MROH1: variants seen among roughly 807,000 people sequenced by gnomAD.
MROH1 encodes maestro heat-like repeat-containing protein family member 1.
Under a neutral mutation model 116.5 loss-of-function variants are expected in MROH1, and 117 were observed. The ratio of observed to expected loss-of-function variants is 1.00; its 90% confidence interval spans 0.86 to 1.17. The LOEUF (loss-of-function observed/expected upper bound fraction) is 1.17. Among genes scored for constraint, MROH1 ranks in the 50% most tolerant of loss-of-function variants. The pLI is 0.00. For synonymous variants in MROH1, 921 were observed against 583.9 expected (o/e 1.58, Z -8.32); for missense variants, 1,873 against 1,338.5 (o/e 1.40, Z -6.23).
intron 4 of MROH1, among the ~76,000 whole-genome samples, chr8:144,177,391 G>C (rs571299336): frequency 6.6e-6 from 1 of 152,340 alleles, no homozygotes; most frequent in Admixed American, 6.5e-5. Flanking sequence ...ACTTCAAATA[G>C]TTTCTGAACA....
At chr8:144,175,566 T>TG in intron 4 of MROH1, 1 of 985,192 alleles carries the variant, frequency 1.0e-6, no homozygotes. Context: ...ACGTCCCAGG[T>TG]GGGGATGGGC....
intron 12 of MROH1, among the ~76,000 whole-genome samples, chr8:144,207,268 A>G (rs1401573013): frequency 6.7e-6 from 1 of 149,456 alleles, no homozygotes; most frequent in Non-Finnish European, 1.5e-5. Context: ...GCTCACTGCA[A>G]CCTCCGCCTC....
intron 3 of MROH1, among the ~76,000 whole-genome samples, chr8:144,164,094 T>C (rs1423245817): frequency 1.5e-5 from 2 of 129,838 alleles, no homozygotes; most frequent in South Asian, 4.6e-4. Context: ...TTTGTTTTAC[T>C]TTTTTTTTTT....
intron 7 of MROH1, among the ~76,000 whole-genome samples, chr8:144,189,615 C>T (rs549803727): frequency 2.7e-4 from 41 of 152,320 alleles, no homozygotes; most frequent in African/African-American, 6.7e-4. Context: ...CCAAGGCCAC[C>T]GCTGAGTCAC....
At chr8:144,185,122 G>C (rs1472850546) in intron 7 of MROH1, among the ~76,000 whole-genome samples, 1 of 152,194 alleles carries the variant, frequency 6.6e-6, no homozygotes, top group Non-Finnish European at 1.5e-5. Context: ...CTGCAGTGTT[G>C]CAGTCCCAGG....
At chr8:144,181,791 C>T (rs539338165) in intron 7 of MROH1, among the ~76,000 whole-genome samples, 153 of 152,190 alleles carry the variant, frequency 1.0e-3, no homozygotes, top group Middle Eastern at 6.8e-3. Context: ...GGAGACAGAA[C>T]GGGGCCGCTG....
At chr8:144,243,427 G>C (rs1451752972) in intron 24 of MROH1, 67 bp from the exon 25 acceptor site, 40 of 768,018 alleles carry the variant, frequency 5.2e-5, no homozygotes, top group Admixed American at 2.1e-4. Flanking sequence ...GAAAGAAAAG[G>C]GGGTATGCGC....
chr8:144,259,964 G>C lies in MROH1; in HGVS notation c.4098G>C (p.Glu1366Asp), dbSNP rs1844688843. 1 of 741,850 alleles carries C rather than the reference G, an allele frequency of 1.3e-6. No individual in the cohort carries two copies. Among genetic ancestry groups the C allele is most frequent in the Non-Finnish European group, 2.5e-6 (1 of 399,868 alleles). 46.0% of individuals were successfully genotyped at this position (741,850 alleles called of 1,614,324 possible). The change falls in exon 38 of 44, where the codon GAG becomes GAC. Residue 1366 changes from glutamate (E) to aspartate (D), a missense_variant. Transcript: ENST00000326134. ...TCATGCTCTTGGACTCGCTGCTGGA[G>C]AGCCTGGCGGCTCGCCAGAAGGACA... is the stretch of plus-strand genomic sequence containing the variant. ...NDLMLLDSLL[E>D]SLAARQKDTC...
In MROH1 at chr8:144,243,882, C is replaced by A. The variant is rs1841424567; in HGVS notation, c.2495C>A (p.Pro832His). 2 of 780,136 alleles carry A rather than the reference C, an allele frequency of 2.6e-6. No homozygotes were observed. The highest frequency in any genetic ancestry group is 1.7e-5 in the African/African-American group (1 of 59,140). 48.3% of individuals were successfully genotyped at this position (780,136 alleles called of 1,614,324 possible). A position where few individuals can be genotyped will look rare whatever the true frequency, so the allele number is the denominator to read the frequency against. ...ACCCAGGAGTTCATCAGGGCAGAGC[C>A]CCCGGACTCCTTGAGGACACCTATT... is the stretch of plus-strand genomic sequence containing the variant. ...AQMMEFIRAE[P>H]PDSLRTPIRK... Residue 832 changes from proline (P) to histidine (H), a missense_variant, in exon 26 of 44, where the codon CCC (proline) becomes CAC (histidine). Coordinates refer to ENST00000326134, the MANE Select transcript of MROH1 (RefSeq NM_032450.3).
Position 144,248,992 on chromosome 8 carries a change from G to A in MROH1, c.3236G>A (p.Cys1079Tyr). Residue 1079 changes from cysteine to tyrosine, a missense_variant, in exon 32 of 44, where the codon TGC (cysteine) becomes TAC (tyrosine). Coordinates refer to ENST00000326134, the MANE Select transcript of MROH1 (RefSeq NM_032450.3). The part of the protein sequence containing the change: ...CSRAATVMIN[C>Y]LLQERGGVLQ... ...CGAGCAGCTACCGTCATGATCAACT[G>A]CCTGCTGCAGGAGCGGGGCGGTGTG... 9.6e-6 allele frequency: 7 copies of A among 727,672 alleles called. No homozygotes were observed. The highest frequency in any genetic ancestry group is 1.8e-5 in the Non-Finnish European group (7 of 390,440). The allele number at this position is 727,672 out of a possible 1,614,324, so 45.1% of individuals were successfully genotyped here.
At chr8:144,194,210 G>A (rs375989573) in intron 10 of MROH1, among the ~76,000 whole-genome samples, 2 of 151,430 alleles carry the variant, frequency 1.3e-5, no homozygotes, top group African/African-American at 4.9e-5. Context: ...TTACAGGCAC[G>A]CACCACCACG....
Position 144,196,013 on chromosome 8 carries a change from G to A in MROH1, c.949-3109G>A, listed in dbSNP as rs533903757. The stretch of plus-strand genomic sequence containing the variant: ...CTTTCAAATTCAGTGATTAGTGGCC[G>A]GGCACAGTGGCTCACGCCTGTAATC... On this transcript the variant is annotated intron_variant, in intron 10 of 43. Transcript: ENST00000326134. 2.6e-5 allele frequency among the ~76,000 whole-genome samples: 4 copies of A among 152,138 alleles called. No homozygotes were observed. The East Asian group carries it at 5.8e-4, about 22-fold the overall frequency.
chr8:144,247,700 G>A (rs901513811), intron 31 of MROH1, 21 bp downstream of exon 31: 67 of 744,452 alleles, frequency 9.0e-5, no homozygotes, highest in Middle Eastern at 3.5e-4. Flanking sequence ...GGAGCTCTGC[G>A]GCCGGAAGGC....
At chr8:144,250,728 G>A (rs913907428) in intron 33 of MROH1, 9 of 396,264 alleles carry the variant, frequency 2.3e-5, no homozygotes, top group Admixed American at 3.6e-5. Context: ...TCTTGGTTCC[G>A]GCTACTCCAA....
intron 12 of MROH1, among the ~76,000 whole-genome samples, chr8:144,215,880 A>G (rs1018324616): frequency 1.4e-5 from 2 of 147,122 alleles, no homozygotes; most frequent in African/African-American, 5.1e-5. Flanking sequence ...CGCAAAAAAA[A>G]AAAAAAGAAA....
At chr8:144,176,309 G>A (rs1823897759) in intron 4 of MROH1, among the ~76,000 whole-genome samples, 1 of 150,714 alleles carries the variant, frequency 6.6e-6, no homozygotes, top group African/African-American at 2.4e-5. Flanking sequence ...GGATGCAGAG[G>A]TTGCAGTGAG....
chr8:144,176,086 G>T (rs1217273802), intron 4 of MROH1, among the ~76,000 whole-genome samples: 1 of 151,824 alleles, frequency 6.6e-6, no homozygotes, highest in African/African-American at 2.4e-5. Context: ...TCGAGGGCTG[G>T]GTGCAGCGGC....
At position 144,261,119 on chromosome 8, in the gene MROH1, C is replaced by T; in HGVS notation, c.4677C>T (p.His1559=). Residue 1559 remains histidine, a synonymous_variant, in exon 42 of 44, where the codon CAC becomes CAT. Coordinates refer to ENST00000326134, the MANE Select transcript of MROH1 (RefSeq NM_032450.3). The part of the protein sequence containing the change: ...FLNTTCKHLM[H]HFPDLLGRLL... The stretch of plus-strand genomic sequence containing the variant: ...CTGACCAGGCCTCTCCCCAGATGCA[C>T]CATTTCCCAGACCTGCTGGGCCGTC... The T allele has an allele frequency of 1.3e-6, 1 of 775,144 alleles. No individual in the cohort carries two copies. The highest frequency in any genetic ancestry group is 2.4e-6 in the Non-Finnish European group (1 of 417,678). 48.0% of individuals were successfully genotyped at this position (775,144 alleles called of 1,614,324 possible). A position where few individuals can be genotyped will look rare whatever the true frequency, so the allele number is the denominator to read the frequency against.
intron 10 of MROH1, among the ~76,000 whole-genome samples, chr8:144,194,765 G>A (rs1829426150): frequency 1.3e-5 from 2 of 152,012 alleles, no homozygotes; most frequent in South Asian, 4.2e-4. Flanking sequence ...AAATGTAGCT[G>A]AGTACAGTGG....
Sources: gnomAD v4.1 joint callset for allele counts (sites outside exome capture counted in the v4.1 genomes callset) on GRCh38, gnomAD v4.1.1 for gene constraint, MANE v1.5 for transcripts, NCBI Gene and HGNC (gene_info 2026-07-23, HGNC 2026-07-21) for gene names.